Variants in SMURF1 observed in about 807,000 individuals in gnomAD.
The protein encoded by SMURF1 is E3 ubiquitin-protein ligase SMURF1.
A neutral mutation model predicts 98.0 loss-of-function variants in SMURF1; 44 were observed. The observed-to-expected ratio is 0.45, with a 90% confidence interval of 0.35 to 0.58. The LOEUF (loss-of-function observed/expected upper bound fraction) is 0.58, where lower values mean the gene tolerates loss of function less well. SMURF1 is among the 20% of genes least tolerant of loss of function. The pLI is 0.00. For missense variants in SMURF1, 687 were observed against 938.4 expected, an observed-to-expected ratio of 0.73 and a Z score of 3.50; for synonymous variants, 396 against 374.9, an observed-to-expected ratio of 1.06 and a Z score of -0.65.
chr7:99,048,673 A>G (rs1795660001), intron 9 of SMURF1: 1 of 152,252 alleles, frequency 6.6e-6, no homozygotes, highest in Non-Finnish European at 1.5e-5. Flanking sequence ...TTTACCGCCA[A>G]GAGATTTCTA....
Position 99,030,297 on chromosome 7 carries a change from C to T in SMURF1, c.*287G>A, listed in dbSNP as rs981886439. 1.2e-5 allele frequency: 5 copies of T among 401,060 alleles called. No homozygotes were observed. The highest frequency in any genetic ancestry group is 4.1e-5 in the African/African-American group (2 of 48,388). 24.8% of individuals were successfully genotyped at this position (401,060 alleles called of 1,614,324 possible). On this transcript the variant is annotated 3_prime_UTR_variant, in exon 18 of 18. Coordinates refer to ENST00000361368, the MANE Select transcript of SMURF1 (RefSeq NM_181349.3). The stretch of plus-strand genomic sequence containing the variant: ...CCTTATCACCACATGGGTTGCAACA[C>T]AGCAGAATATCCTGTGTGACCAAAG...
At chr7:99,085,759 T>C (rs1169860979) in intron 1 of SMURF1, among the ~76,000 whole-genome samples, 9 of 152,188 alleles carry the variant, frequency 5.9e-5, no homozygotes, top group Non-Finnish European at 1.3e-4. Flanking sequence ...CTACCCGTTA[T>C]TCTCCCCGTC....
chr7:99,052,414 G>A lies in SMURF1; in HGVS notation c.512C>T (p.Pro171Leu), dbSNP rs745820787. 33 of 1,593,664 alleles carry A rather than the reference G, an allele frequency of 2.1e-5. No homozygotes were observed. Among genetic ancestry groups the A allele is most frequent in the Admixed American group, 3.4e-5 (2 of 58,136 alleles). ...TVYEDSGPGR[P>L]LSCFMEEPAP... Reference sequence around the variant, plus strand: ...TGGTTCCTCCATGAAGCAGCTGAGCGGCCTCCCAGGCCCGGAGTCTTCATA... The same window carrying A: ...TGGTTCCTCCATGAAGCAGCTGAGCAGCCTCCCAGGCCCGGAGTCTTCATA... The change falls in exon 7 of 18, where the codon CCG becomes CTG. Residue 171 changes from proline to leucine, a missense_variant. This residue lies in a region of SMURF1 where 415 missense variants were observed against 508.4 expected (regional missense o/e 0.82). Transcript: ENST00000361368.
Position 99,061,786 on chromosome 7 carries a change from AGT to A in SMURF1, c.94+11_94+12del. 6.3e-7 allele frequency: 1 copy of A among 1,589,422 alleles called. No individual in the cohort carries two copies. Among genetic ancestry groups the A allele is most frequent in the Admixed American group, 1.8e-5 (1 of 56,204 alleles). On this transcript the variant is annotated intron_variant, in intron 2 of 17. Transcript: ENST00000361368. ...TAACATTATAAGAGGGAAAAAAATA[AGT>A]GTTTACTTACTGAAGAAGTCTTTCT...
intron 10 of SMURF1, 29 bp from the exon 11 acceptor site, chr7:99,045,830 G>A: frequency 6.6e-7 from 1 of 1,521,222 alleles, no homozygotes; most frequent in Non-Finnish European, 9.1e-7. Flanking sequence ...GTTTCAGAGA[G>A]AAGAACATTC....
chr7:99,074,533 T>C (rs371984672), intron 1 of SMURF1, among the ~76,000 whole-genome samples: 3 of 151,912 alleles, frequency 2.0e-5, no homozygotes, highest in South Asian at 4.2e-4. Flanking sequence ...TTACCTCACA[T>C]CATACACAAA....
chr7:99,085,052 G>A (rs1296040822), intron 1 of SMURF1, among the ~76,000 whole-genome samples: 1 of 151,986 alleles, frequency 6.6e-6, no homozygotes, highest in Non-Finnish European at 1.5e-5. Flanking sequence ...TTCCACCATG[G>A]TTGAAAGTTT....
intron 10 of SMURF1, among the ~76,000 whole-genome samples, chr7:99,046,773 G>T (rs1795595673): frequency 6.6e-6 from 1 of 150,426 alleles, no homozygotes; most frequent in South Asian, 2.1e-4. Context: ...AATAAACTCT[G>T]GCAACCCAAG....
At chr7:99,033,660 GC>G (rs1298720732) in intron 16 of SMURF1, among the ~76,000 whole-genome samples, 1 of 152,120 alleles carries the variant, frequency 6.6e-6, no homozygotes, top group African/African-American at 2.4e-5. Context: ...GACTGCTAAG[GC>G]CCCCCCTAAA....
At chr7:99,090,055 A>G (rs561125167) in intron 1 of SMURF1, among the ~76,000 whole-genome samples, 1 of 152,366 alleles carries the variant, frequency 6.6e-6, no homozygotes, top group Non-Finnish European at 1.5e-5. Flanking sequence ...ACTGGCAAAT[A>G]TATCTCCATG....
intron 1 of SMURF1, among the ~76,000 whole-genome samples, chr7:99,094,499 A>C (rs142394564): frequency 6.6e-6 from 1 of 152,350 alleles, no homozygotes; most frequent in Non-Finnish European, 1.5e-5. Flanking sequence ...AACTTAATTC[A>C]AATACCATCT....
At chr7:99,047,908 C>A (rs371509959) in intron 9 of SMURF1, 26 bp from the exon 10 acceptor site, 1 of 1,608,890 alleles carries the variant, frequency 6.2e-7, no homozygotes, top group East Asian at 2.2e-5. Context: ...TGCAGAAAGT[C>A]ACTCCGAAGC....
intron 1 of SMURF1, among the ~76,000 whole-genome samples, chr7:99,138,800 T>C (rs1798051692): frequency 3.9e-5 from 6 of 152,200 alleles, no homozygotes; most frequent in Admixed American, 3.9e-4. Flanking sequence ...ACAAAATCAA[T>C]GACAAAAACC....
chr7:99,126,454 G>C (rs553368959), intron 1 of SMURF1, among the ~76,000 whole-genome samples: 1 of 151,282 alleles, frequency 6.6e-6, no homozygotes, highest in South Asian at 2.1e-4. Context: ...TCAGATGTTC[G>C]AGACCAGCCT....
At chr7:99,038,350 G>A (rs373972437) in intron 14 of SMURF1, 38 bp downstream of exon 14, 30 of 1,608,338 alleles carry the variant, frequency 1.9e-5, no homozygotes, top group South Asian at 1.2e-4. Flanking sequence ...GCTCAGCCGC[G>A]CCCCAGGCAC....
Position 99,035,502 on chromosome 7 carries a change from C to T in SMURF1, c.2011+13G>A. 1 of 1,613,990 alleles carries T rather than the reference C, an allele frequency of 6.2e-7. No homozygotes were observed. Among genetic ancestry groups the T allele is most frequent in the Non-Finnish European group, 8.5e-7 (1 of 1,179,982 alleles). ...GACGCGTCATCGAATAGCCCTGCCT[C>T]CACGTCAGTCACCTTGCAAAGCCTT... On this transcript the variant is annotated intron_variant, in intron 16 of 17. Transcript: ENST00000361368.
At chr7:99,060,451 T>G in intron 3 of SMURF1, 148 bp downstream of exon 3, 1 of 504,064 alleles carries the variant, frequency 2.0e-6, no homozygotes, top group South Asian at 3.3e-5. Context: ...ATTCTAAAAT[T>G]AGGCAATGTA....
At chr7:99,089,345 T>A (rs1006230213) in intron 1 of SMURF1, among the ~76,000 whole-genome samples, 1 of 151,414 alleles carries the variant, frequency 6.6e-6, no homozygotes, top group East Asian at 2.0e-4. Context: ...TTTTTTATTT[T>A]AAAAACTGTA....
At chr7:99,116,288 G>A (rs1050986121) in intron 1 of SMURF1, among the ~76,000 whole-genome samples, 3 of 152,010 alleles carry the variant, frequency 2.0e-5, no homozygotes, top group African/African-American at 7.3e-5. Context: ...CTAGATAAGG[G>A]ACATCTATGA....
Sources: allele counts gnomAD v4.1 joint callset (sites outside exome capture counted in the v4.1 genomes callset), GRCh38; gene constraint gnomAD v4.1.1; regional missense constraint gnomAD v4.1.1; transcripts MANE v1.5; gene names NCBI Gene and HGNC (gene_info 2026-07-23, HGNC 2026-07-21).